The following RAB33A variants were observed in gnomAD, a reference collection of about 807,000 sequenced individuals.
The protein encoded by RAB33A is ras-related protein Rab-33A.
In RAB33A, 6 loss-of-function variants were observed where a neutral mutation model predicts 12.0. That is an observed-to-expected ratio of 0.50 (90% CI 0.27 to 0.99). RAB33A has a LOEUF of 0.99. Ranked by LOEUF, RAB33A falls within the 50% of genes least tolerant of loss-of-function variation. The pLI is 0.11. For missense variants in RAB33A, 109 were observed against 192.0 expected (o/e 0.57, Z 2.55); for synonymous variants, 70 against 82.4 (o/e 0.85, Z 0.81).
At chrX:130,178,952 ATT>A (rs55677728) in intron 1 of RAB33A, among the ~76,000 whole-genome samples, 7 of 91,567 alleles carry the variant, frequency 7.6e-5, no homozygotes, top group Non-Finnish European at 8.8e-5. Flanking sequence ...GCGCCCGGCG[ATT>A]TTTTTTTTTT....
chrX:130,136,498 G>A, the RAB33A span: 1 of 580,597 alleles, frequency 1.7e-6, no homozygotes, highest in Admixed American at 2.7e-5. Flanking sequence ...TTTTAATGGA[G>A]GGATGGTTAA....
chrX:130,140,896 C>T, the RAB33A span, among the ~76,000 whole-genome samples: 35 of 112,224 alleles, frequency 3.1e-4, no homozygotes, highest in African/African-American at 1.0e-3. Context: ...GCAGGCAGAT[C>T]ACTGAGGCCA....
upstream of RAB33A, chrX:130,171,794 TCTCTC>T: frequency 2.7e-6 from 1 of 371,588 alleles, no homozygotes; most frequent in Non-Finnish European, 4.6e-6. Context: ...CTCTCCTCCC[TCTCTC>T]CTCCTCTCCC....
chrX:130,180,792 A>G (rs1477755529), intron 1 of RAB33A, among the ~76,000 whole-genome samples: 1 of 105,476 alleles, frequency 9.5e-6, no homozygotes, highest in Non-Finnish European at 1.9e-5. Context: ...TTTGTTACCT[A>G]AGGTCAGGAG....
At chrX:130,136,977 G>A in the RAB33A span, 6 of 1,200,230 alleles carry the variant, frequency 5.0e-6, no homozygotes. Flanking sequence ...TACAGGCCAG[G>A]TGATAGGGCT....
the RAB33A span, among the ~76,000 whole-genome samples, chrX:130,120,954 T>C: frequency 1.8e-5 from 2 of 112,933 alleles, no homozygotes; most frequent in African/African-American, 6.4e-5. Flanking sequence ...TCGGCTCCTC[T>C]GCCCCCAGCT....
the RAB33A span, among the ~76,000 whole-genome samples, chrX:130,116,513 C>T: frequency 1.8e-5 from 2 of 111,379 alleles, no homozygotes; most frequent in African/African-American, 3.3e-5. Context: ...AGGCTGGTAT[C>T]GAACTCCTGA....
the RAB33A span, among the ~76,000 whole-genome samples, chrX:130,151,188 T>C: frequency 9.3e-6 from 1 of 107,857 alleles, no homozygotes; most frequent in African/African-American, 3.4e-5. Context: ...TTGCCCAGGC[T>C]GGAGTGCAGT....
At chrX:130,137,520 A>G in the RAB33A span, 1 of 1,166,748 alleles carries the variant, frequency 8.6e-7, no homozygotes, top group Non-Finnish European at 1.1e-6. Context: ...CCCTGATTTC[A>G]TATATCTGAA....
At chrX:130,117,740 G>T in the RAB33A span, among the ~76,000 whole-genome samples, 1 of 112,574 alleles carries the variant, frequency 8.9e-6, no homozygotes, top group Non-Finnish European at 1.9e-5. Context: ...ACCTGCCCTG[G>T]GCTCCTATCA....
chrX:130,115,033 G>C, the RAB33A span, among the ~76,000 whole-genome samples: 6 of 110,420 alleles, frequency 5.4e-5, no homozygotes, highest in Admixed American at 5.9e-4. Context: ...TGAACTCCTG[G>C]GCTCAAGCGA....
At chrX:130,154,675 C>T in the RAB33A span, among the ~76,000 whole-genome samples, 2 of 111,975 alleles carry the variant, frequency 1.8e-5, no homozygotes, top group African/African-American at 6.5e-5. Context: ...TTTTGGATCT[C>T]CTCAGAAGCA....
chrX:130,139,363 C>A, the RAB33A span, among the ~76,000 whole-genome samples: 2 of 109,809 alleles, frequency 1.8e-5, no homozygotes, highest in Non-Finnish European at 3.8e-5. Flanking sequence ...CAAATCTTAT[C>A]CCTGAAAAAT....
At chrX:130,111,074 C>G in the RAB33A span, among the ~76,000 whole-genome samples, 1 of 107,211 alleles carries the variant, frequency 9.3e-6, no homozygotes, top group East Asian at 3.0e-4. Flanking sequence ...CCCCGGCCCG[C>G]CCGCCGCGGT....
rs2031767554 is a variant in RAB33A, at chrX:130,184,669, AGGCAGCAGG to A, written c.646_654del (p.Gln216_Gly218del). ...ATCCCTGCTGTATCGTGATGCTGAG[AGGCAGCAGG>A]GGAAGGTGCAGAAACTGGAGTTCCC... On this transcript the variant is annotated inframe_deletion, in exon 2 of 2. Coordinates refer to ENST00000257017, the MANE Select transcript of RAB33A (RefSeq NM_004794.3). The A allele has an allele frequency of 1.7e-6, 2 of 1,211,953 alleles. No individual in the cohort carries two copies. Among genetic ancestry groups the A allele is most frequent in the Non-Finnish European group, 2.2e-6 (2 of 895,594 alleles).
chrX:130,123,279 G>A, the RAB33A span, among the ~76,000 whole-genome samples: 5 of 112,522 alleles, frequency 4.4e-5, no homozygotes, highest in Non-Finnish European at 5.6e-5. Flanking sequence ...TCCAGGCAGT[G>A]AGCGGCAGCA....
the RAB33A span, among the ~76,000 whole-genome samples, chrX:130,149,027 T>C: frequency 1.9e-5 from 2 of 103,323 alleles, no homozygotes; most frequent in Non-Finnish European, 3.9e-5. Context: ...GTTCAAGAGA[T>C]TCTCATGCCT....
the RAB33A span, among the ~76,000 whole-genome samples, chrX:130,113,187 T>C: frequency 1.0e-5 from 1 of 100,459 alleles, no homozygotes; most frequent in African/African-American, 3.7e-5. Context: ...TTCATGCCAT[T>C]CTCCTGCCTC....
the RAB33A span, chrX:130,149,531 T>C: frequency 4.9e-5 from 59 of 1,209,346 alleles, 1 homozygote; most frequent in Middle Eastern, 1.6e-3. Flanking sequence ...AATTCTTTCA[T>C]TGTATCTTTT....
Sources: allele counts gnomAD v4.1 joint callset (sites outside exome capture counted in the v4.1 genomes callset), GRCh38; gene constraint gnomAD v4.1.1; transcripts MANE v1.5; gene names NCBI Gene and HGNC (gene_info 2026-07-23, HGNC 2026-07-21).